TMCC3: variants seen among roughly 807,000 people sequenced by gnomAD.
TMCC3 encodes transmembrane and coiled-coil domain family 3.
In TMCC3, 28 loss-of-function variants were observed where a neutral mutation model predicts 40.2. The ratio of observed to expected loss-of-function variants is 0.70; its 90% CI spans 0.52 to 0.95. The LOEUF (loss-of-function observed/expected upper bound fraction) is 0.95. Ranked by LOEUF, TMCC3 falls within the 40% of genes least tolerant of loss-of-function variation. TMCC3 has a pLI of 0.00. For synonymous variants in TMCC3, 255 were observed against 248.5 expected, an observed-to-expected ratio of 1.03 and a Z score of -0.25; for missense variants, 554 against 615.2, an observed-to-expected ratio of 0.90 and a Z score of 1.05.
chr12:94,596,254 G>A (rs148571466), intron 1 of TMCC3, among the ~76,000 whole-genome samples: 3 of 152,252 alleles, frequency 2.0e-5, no homozygotes, highest in Admixed American at 2.0e-4. Context: ...CATTAGCTCT[G>A]CCTTGCAGAT....
chr12:94,641,895 C>T (rs2138885667), intron 1 of TMCC3, among the ~76,000 whole-genome samples: 1 of 151,614 alleles, frequency 6.6e-6, no homozygotes, highest in South Asian at 2.1e-4. Context: ...AAAATGAAGA[C>T]ACTAAGAGGA....
rs765097012 is a variant in TMCC3, at chr12:94,578,399, T to A, written c.1126A>T (p.Ile376Phe). Residue 376 changes from isoleucine to phenylalanine, a missense_variant, in exon 3 of 4, where the codon ATC becomes TTC. Ile to Phe is a conservative substitution (Grantham distance 21, BLOSUM62 0). Coordinates refer to ENST00000261226, the MANE Select transcript of TMCC3 (RefSeq NM_020698.4). ...AATCACAAAGGGAAAGGTACCTGGA[T>A]GTCCCGCGAGCGCTCGTAGGCCTGG... The part of the protein sequence containing the change: ...AYQAYERSRD[I>F]QEALESCQTR... 6.2e-7 allele frequency: 1 copy of A among 1,613,762 alleles called. No homozygotes were observed. The highest frequency in any genetic ancestry group is 1.1e-5 in the South Asian group (1 of 91,064).
At chr12:94,610,288 C>T (rs935246662) in intron 1 of TMCC3, among the ~76,000 whole-genome samples, 1 of 152,098 alleles carries the variant, frequency 6.6e-6, no homozygotes, top group African/African-American at 2.4e-5. Flanking sequence ...AGTGTAAATA[C>T]ATTCCTTTTC....
chr12:94,622,666 A>G (rs1467078896), intron 1 of TMCC3, among the ~76,000 whole-genome samples: 1 of 152,058 alleles, frequency 6.6e-6, no homozygotes, highest in African/African-American at 2.4e-5. Flanking sequence ...CATTTTCCAT[A>G]CTCTGATTTT....
At chr12:94,586,159 G>T (rs1266152083) in intron 1 of TMCC3, among the ~76,000 whole-genome samples, 1 of 152,052 alleles carries the variant, frequency 6.6e-6, no homozygotes, top group Non-Finnish European at 1.5e-5. Flanking sequence ...ATTTTTTTCC[G>T]AGTATCAATG....
rs2138811880 is a variant in TMCC3 at position 94,571,096 on chromosome 12, A to G, written c.*339T>C. 3.6e-6 allele frequency: 1 copy of G among 279,520 alleles called. No homozygotes were observed. Among genetic ancestry groups the G allele is most frequent in the Non-Finnish European group, 6.8e-6 (1 of 147,048 alleles). 17.3% of individuals were successfully genotyped at this position (279,520 alleles called of 1,614,324 possible). ...ATTGTGAAGCTCAATTCTGACAGAG[A>G]CTTAGGAGAGAGACCTCTTTCTTCA... On this transcript the variant is annotated 3_prime_UTR_variant, in exon 4 of 4. Coordinates refer to ENST00000261226, the MANE Select transcript of TMCC3 (RefSeq NM_020698.4).
intron 1 of TMCC3, among the ~76,000 whole-genome samples, chr12:94,623,306 C>A (rs749948999): frequency 6.6e-6 from 1 of 152,066 alleles, no homozygotes; most frequent in East Asian, 1.9e-4. Flanking sequence ...TTGTTGAGTG[C>A]CTACCATGAG....
At chr12:94,572,327 TTGA>T (rs1343007656) in intron 3 of TMCC3, among the ~76,000 whole-genome samples, 16 of 108,686 alleles carry the variant, frequency 1.5e-4, no homozygotes, top group Admixed American at 3.7e-4. Flanking sequence ...TTTTTTTTTT[TTGA>T]GACAGAGTTT....
intron 1 of TMCC3, among the ~76,000 whole-genome samples, chr12:94,629,520 C>T (rs1199713607): frequency 1.3e-5 from 2 of 152,212 alleles, no homozygotes; most frequent in East Asian, 3.8e-4. Context: ...CTGGGCACAC[C>T]GTGAAGCACC....
At chr12:94,624,819 T>A (rs1450007873) in intron 1 of TMCC3, among the ~76,000 whole-genome samples, 1 of 151,734 alleles carries the variant, frequency 6.6e-6, no homozygotes, top group Admixed American at 6.6e-5. Context: ...GAATAACTGC[T>A]AAGGGTATCT....
intron 1 of TMCC3, among the ~76,000 whole-genome samples, chr12:94,598,204 A>G (rs77313218): frequency 0.014 from 2,141 of 152,328 alleles, 56 homozygotes; most frequent in East Asian, 0.12. Flanking sequence ...CTCAAAGCTA[A>G]TAAGTGGCAG....
chr12:94,598,090 A>C (rs2068729388), intron 1 of TMCC3, among the ~76,000 whole-genome samples: 1 of 152,230 alleles, frequency 6.6e-6, no homozygotes, highest in Non-Finnish European at 1.5e-5. Flanking sequence ...TATCAGCATC[A>C]AATAATTTCC....
At chr12:94,625,366 T>C (rs1244715025) in intron 1 of TMCC3, among the ~76,000 whole-genome samples, 1 of 151,714 alleles carries the variant, frequency 6.6e-6, no homozygotes. Flanking sequence ...GGTAGGCAGA[T>C]CACCTGAACC....
intron 1 of TMCC3, among the ~76,000 whole-genome samples, chr12:94,605,312 T>A (rs1307846171): frequency 2.0e-5 from 3 of 152,210 alleles, no homozygotes; most frequent in Non-Finnish European, 1.5e-5. Flanking sequence ...AGATACTGTT[T>A]AGGTTCTTAT....
In TMCC3 at chr12:94,568,136, G is replaced by A. The variant is rs571597138; in HGVS notation, c.*3299C>T. ...TTCGGAAGATTTCCTTCTGTGAATA[G>A]CTGACAAGGATCACGCAGGCAAAAA... is the stretch of plus-strand genomic sequence containing the variant. On this transcript the variant is annotated 3_prime_UTR_variant, in exon 4 of 4. Coordinates refer to ENST00000261226, the MANE Select transcript of TMCC3 (RefSeq NM_020698.4). 1 of 152,300 alleles carries A rather than the reference G, an allele frequency of 6.6e-6. No individual in the cohort carries two copies. Among genetic ancestry groups the A allele is most frequent in the Admixed American group, 6.5e-5 (1 of 15,306 alleles). 9.4% of individuals were successfully genotyped at this position (152,300 alleles called of 1,614,324 possible).
intron 1 of TMCC3, chr12:94,644,526 T>C (rs2069007936): frequency 3.2e-6 from 2 of 616,984 alleles, no homozygotes; most frequent in African/African-American, 2.0e-5. Flanking sequence ...TGGCCGGCAG[T>C]TCCTTCTCCT....
intron 3 of TMCC3, 77 bp downstream of exon 3, chr12:94,578,317 A>G (rs1566313940): frequency 1.5e-5 from 23 of 1,519,984 alleles, no homozygotes; most frequent in Non-Finnish European, 2.0e-5. Flanking sequence ...GGACTTAGGC[A>G]TAAACATTTA....
At chr12:94,643,856 G>C (rs954351836) in intron 1 of TMCC3, among the ~76,000 whole-genome samples, 1 of 152,198 alleles carries the variant, frequency 6.6e-6, no homozygotes. Context: ...ACATACACAG[G>C]TTCAAACCCT....
In TMCC3 at chr12:94,597,164, T is replaced by TAA. The variant is rs60864550; in HGVS notation, c.79-14628_79-14627dup. 3.8e-4 allele frequency among the ~76,000 whole-genome samples: 34 copies of TAA among 90,458 alleles called. No homozygotes were observed. The East Asian group carries it at 5.0e-3, about 13-fold the overall frequency. 59.3% of individuals were successfully genotyped at this position (90,458 alleles called of 152,430 possible). On this transcript the variant is annotated intron_variant, in intron 1 of 3. Transcript: ENST00000261226. Reference sequence around the variant, plus strand: ...ATATATATATATATATATATGTATATAAATTAGCCAGGCCTGCTGGCGTGC... The same window carrying TAA: ...ATATATATATATATATATATGTATATAAAAATTAGCCAGGCCTGCTGGCGTGC...
Sources: allele counts gnomAD v4.1 joint callset (sites outside exome capture counted in the v4.1 genomes callset), GRCh38; gene constraint gnomAD v4.1.1; transcripts MANE v1.5; gene names NCBI Gene and HGNC (gene_info 2026-07-23, HGNC 2026-07-21).